CDH20: variants seen among roughly 807,000 people sequenced by gnomAD.
CDH20 encodes cadherin 20.
A neutral mutation model predicts 74.2 loss-of-function variants in CDH20; 29 were observed. The ratio of observed to expected loss-of-function variants is 0.39; its 90% CI spans 0.29 to 0.53. The LOEUF is 0.53. Among genes scored for constraint, CDH20 ranks in the 20% least tolerant of loss-of-function variants. The pLI is 0.69. For missense variants in CDH20, 988 were observed against 1,048.3 expected (o/e 0.94, Z 0.79); for synonymous variants, 469 against 405.4 (o/e 1.16, Z -1.88).
chr18:61,538,602 G>GTTTTTT (rs1227502362), intron 8 of CDH20, among the ~76,000 whole-genome samples: 4 of 50,450 alleles, frequency 7.9e-5, no homozygotes, highest in Non-Finnish European at 1.1e-4. Flanking sequence ...GTTTGTTTTT[G>GTTTTTT]TTTTTGTTTT....
At chr18:61,472,705 G>A (rs762400677) in intron 1 of CDH20, among the ~76,000 whole-genome samples, 1 of 152,224 alleles carries the variant, frequency 6.6e-6, no homozygotes, top group Non-Finnish European at 1.5e-5. Flanking sequence ...AGTGATCTGA[G>A]ATAATCATTT....
At chr18:61,475,477 A>G (rs1910339226) in intron 1 of CDH20, among the ~76,000 whole-genome samples, 1 of 152,212 alleles carries the variant, frequency 6.6e-6, no homozygotes, top group Non-Finnish European at 1.5e-5. Context: ...CACTTCCAGA[A>G]GTTACTAGGT....
chr18:61,452,595 A>G (rs1909430840), intron 1 of CDH20, among the ~76,000 whole-genome samples: 1 of 152,242 alleles, frequency 6.6e-6, no homozygotes, highest in South Asian at 2.1e-4. Context: ...ATCGCCATAT[A>G]CAAACAGGTA....
At chr18:61,427,369 G>C (rs1913107294) in intron 1 of CDH20, among the ~76,000 whole-genome samples, 1 of 152,120 alleles carries the variant, frequency 6.6e-6, no homozygotes, top group South Asian at 2.1e-4. Flanking sequence ...GAGGAACAGA[G>C]ATTTAAATCA....
At chr18:61,544,823 C>T (rs778957783) in intron 9 of CDH20, among the ~76,000 whole-genome samples, 1 of 152,090 alleles carries the variant, frequency 6.6e-6, no homozygotes, top group Non-Finnish European at 1.5e-5. Flanking sequence ...CACTTAGATC[C>T]GTGGGCACAG....
intron 1 of CDH20, among the ~76,000 whole-genome samples, chr18:61,430,003 G>C (rs1052052430): frequency 6.6e-6 from 1 of 151,830 alleles, no homozygotes; most frequent in African/African-American, 2.4e-5. Context: ...GCAACCCACA[G>C]GGGTCATCCT....
chr18:61,348,659 G>A (rs764876484), intron 1 of CDH20, among the ~76,000 whole-genome samples: 3 of 152,098 alleles, frequency 2.0e-5, no homozygotes, highest in African/African-American at 7.2e-5. Flanking sequence ...CCACATAGCC[G>A]TAAAAACATG....
At chr18:61,538,529 T>A (rs539981488) in intron 8 of CDH20, among the ~76,000 whole-genome samples, 4 of 151,818 alleles carry the variant, frequency 2.6e-5, no homozygotes, top group African/African-American at 9.7e-5. Context: ...ACCATCTCCA[T>A]GTACTTCATC....
chr18:61,404,739 C>G (rs1193661683), intron 1 of CDH20: 1 of 318,596 alleles, frequency 3.1e-6, no homozygotes, highest in African/African-American at 2.3e-5. Flanking sequence ...AAAAAGAGAC[C>G]CTTTTCCTTG....
At chr18:61,340,596 T>C (rs979066994) in intron 1 of CDH20, among the ~76,000 whole-genome samples, 5 of 152,218 alleles carry the variant, frequency 3.3e-5, no homozygotes, top group Non-Finnish European at 7.3e-5. Flanking sequence ...ATAAGTATTA[T>C]ACATATATTT....
rs184013595 is a variant in CDH20, at chr18:61,349,493, G to A, written c.-153+15666G>A. The stretch of plus-strand genomic sequence containing the variant: ...GAATGTTTCCTACAGATTCTATAAT[G>A]ACTCCATTCTGTTTTTGCCATGCAA... On this transcript the variant is annotated intron_variant, in intron 1 of 11. Transcript: ENST00000262717. 5.3e-5 allele frequency among the ~76,000 whole-genome samples: 8 copies of A among 152,284 alleles called. 1 individual carries two copies. The East Asian group carries it at 1.5e-3, about 29-fold the overall frequency.
chr18:61,545,904 C>T (rs1054253503), intron 10 of CDH20, among the ~76,000 whole-genome samples: 1 of 152,172 alleles, frequency 6.6e-6, no homozygotes, highest in African/African-American at 2.4e-5. Flanking sequence ...TTCTAGGCCC[C>T]TTTTTTCCAA....
rs1030508027 is a variant in CDH20, at chr18:61,490,461, C to T, written c.-93C>T. The T allele has an allele frequency of 8.0e-7, 1 of 1,257,000 alleles. No homozygotes were observed. The highest frequency in any genetic ancestry group is 1.5e-5 in the African/African-American group (1 of 67,268). 77.9% of individuals were successfully genotyped at this position (1,257,000 alleles called of 1,614,324 possible). On this transcript the variant is annotated 5_prime_UTR_variant, in exon 2 of 12. Transcript: ENST00000262717. ...ATCTCATTTAGGAAGCATAAGTGTC[C>T]AATCAAAAACTGTGTATTTTTTTAA...
intron 1 of CDH20, among the ~76,000 whole-genome samples, chr18:61,465,212 C>T (rs1021836282): frequency 6.6e-6 from 1 of 152,144 alleles, no homozygotes; most frequent in Non-Finnish European, 1.5e-5. Context: ...TCTGCAGGAA[C>T]TGGAACACCT....
intron 1 of CDH20, among the ~76,000 whole-genome samples, chr18:61,336,831 G>A (rs1467846204): frequency 2.7e-5 from 4 of 149,628 alleles, no homozygotes; most frequent in Non-Finnish European, 5.9e-5. Context: ...GGGGGGTGAT[G>A]AGAATAGGTC....
intron 6 of CDH20, among the ~76,000 whole-genome samples, chr18:61,509,213 T>C (rs772736463): frequency 2.0e-5 from 3 of 152,158 alleles, no homozygotes; most frequent in African/African-American, 4.8e-5. Context: ...TGTACCCCAA[T>C]AACTTATAGA....
chr18:61,543,774 G>A (rs1226841062), intron 9 of CDH20, among the ~76,000 whole-genome samples: 2 of 152,122 alleles, frequency 1.3e-5, no homozygotes, highest in Non-Finnish European at 2.9e-5. Context: ...ACCTGACATG[G>A]CCAATGCCAA....
chr18:61,435,155 GA>G (rs1192102836), intron 1 of CDH20, among the ~76,000 whole-genome samples: 1 of 152,000 alleles, frequency 6.6e-6, no homozygotes, highest in Admixed American at 6.6e-5. Context: ...AATTTCAGGG[GA>G]AAAAGAGTTA....
At chr18:61,536,786 T>C (rs1236429019) in intron 8 of CDH20, among the ~76,000 whole-genome samples, 157 bp downstream of exon 8, 1 of 152,190 alleles carries the variant, frequency 6.6e-6, no homozygotes, top group African/African-American at 2.4e-5. Context: ...TCAGTTCAAA[T>C]ACTTTTTTGA....
Sources: allele counts gnomAD v4.1 joint callset (sites outside exome capture counted in the v4.1 genomes callset), GRCh38; gene constraint gnomAD v4.1.1; transcripts MANE v1.5; gene names NCBI Gene and HGNC (gene_info 2026-07-23, HGNC 2026-07-21).